Variants in RBFOX1 observed in about 807,000 individuals in gnomAD.
RBFOX1 encodes the protein RNA binding fox-1 homolog 1.
Under a neutral mutation model 57.7 loss-of-function variants are expected in RBFOX1, and 8 were observed. The ratio of observed to expected loss-of-function variants is 0.14; its 90% CI spans 0.08 to 0.25. The LOEUF is 0.25. Ranked by LOEUF, RBFOX1 falls within the 10% of genes least tolerant of loss-of-function variation. The pLI, the probability that RBFOX1 is intolerant of heterozygous loss-of-function variation, is 1.00. For missense variants in RBFOX1, 611 were observed against 548.5 expected, an observed-to-expected ratio of 1.11 and a Z score of -1.14; for synonymous variants, 326 against 222.4, an observed-to-expected ratio of 1.47 and a Z score of -4.15.
intron 3 of RBFOX1, among the ~76,000 whole-genome samples, chr16:6,796,579 C>G (rs1014928735): frequency 2.6e-5 from 4 of 152,172 alleles, no homozygotes; most frequent in Non-Finnish European, 4.4e-5. Flanking sequence ...CTACTTCCTT[C>G]TACCCTTATT....
rs1471385553 is a variant in RBFOX1, at chr16:7,627,908, A to G, written c.677-2695A>G. 3.5e-5 allele frequency among the ~76,000 whole-genome samples: 5 copies of G among 142,844 alleles called. No homozygotes were observed. In the East Asian group the frequency reaches 5.8e-4, roughly 17 times the overall value. 93.7% of individuals were successfully genotyped at this position (142,844 alleles called of 152,430 possible). A position where few individuals can be genotyped will look rare whatever the true frequency, so the allele number is the denominator to read the frequency against. On this transcript the variant is annotated intron_variant, in intron 10 of 15. Transcript: ENST00000550418. The stretch of plus-strand genomic sequence containing the variant: ...TTTTACAAAAGGTCAAAATCATTGC[A>G]TAAAGATTTTTTTTTTTTTTAACTA...
At chr16:6,116,040 A>T (rs2152605975) in intron 1 of RBFOX1, among the ~76,000 whole-genome samples, 1 of 152,340 alleles carries the variant, frequency 6.6e-6, no homozygotes, top group East Asian at 1.9e-4. Context: ...TCAGTGATAG[A>T]CTTGATAAAG....
chr16:7,295,664 A>T (rs1254663888), intron 4 of RBFOX1, among the ~76,000 whole-genome samples: 1 of 152,086 alleles, frequency 6.6e-6, no homozygotes, highest in Non-Finnish European at 1.5e-5. Flanking sequence ...ACTGCTCACT[A>T]CAGGTGTACT....
intron 5 of RBFOX1, among the ~76,000 whole-genome samples, chr16:7,534,195 T>A (rs1208743864): frequency 6.6e-6 from 1 of 151,428 alleles, no homozygotes; most frequent in Non-Finnish European, 1.5e-5. Flanking sequence ...CAGGCGATTC[T>A]CCTGCCTCAG....
At chr16:6,744,533 A>G (rs2073105854) in intron 3 of RBFOX1, among the ~76,000 whole-genome samples, 1 of 152,104 alleles carries the variant, frequency 6.6e-6, no homozygotes, top group South Asian at 2.1e-4. Context: ...AATAAATGAC[A>G]GAAATATAAA....
intron 4 of RBFOX1, among the ~76,000 whole-genome samples, chr16:5,961,532 T>C (rs941800843): frequency 9.9e-5 from 15 of 152,280 alleles, no homozygotes; most frequent in African/African-American, 3.6e-4. Context: ...TATTGTTTTA[T>C]TTTTTTGAGA....
intron 2 of RBFOX1, among the ~76,000 whole-genome samples, chr16:6,381,669 G>A (rs905844240): frequency 6.6e-6 from 1 of 152,172 alleles, no homozygotes; most frequent in Non-Finnish European, 1.5e-5. Context: ...GCACAGATGA[G>A]TTTGCTTCTG....
intron 3 of RBFOX1, among the ~76,000 whole-genome samples, chr16:5,837,284 C>T (rs953152416): frequency 1.3e-5 from 2 of 151,904 alleles, no homozygotes; most frequent in Non-Finnish European, 2.9e-5. Context: ...CAAACTGCAT[C>T]TTCTGCCTGA....
intron 3 of RBFOX1, among the ~76,000 whole-genome samples, chr16:5,782,905 T>C (rs2054370550): frequency 6.6e-6 from 1 of 152,180 alleles, no homozygotes; most frequent in Admixed American, 6.5e-5. Context: ...GGTGAATTCC[T>C]CTTTCCTCTG....
At chr16:5,777,453 G>C (rs185630658) in intron 3 of RBFOX1, among the ~76,000 whole-genome samples, 1 of 152,304 alleles carries the variant, frequency 6.6e-6, no homozygotes, top group African/African-American at 2.4e-5. Flanking sequence ...TGAGACTCTA[G>C]GCAGTAGGAC....
At chr16:6,334,219 C>A (rs542964698) in intron 2 of RBFOX1, among the ~76,000 whole-genome samples, 103 of 152,096 alleles carry the variant, frequency 6.8e-4, no homozygotes, top group African/African-American at 2.3e-3. Flanking sequence ...TAAAAGTCAA[C>A]GAAAGTGGCC....
At chr16:6,297,068 C>T (rs545740336) in intron 1 of RBFOX1, among the ~76,000 whole-genome samples, 86 of 152,254 alleles carry the variant, frequency 5.6e-4, no homozygotes, top group Admixed American at 2.5e-3. Flanking sequence ...GGGTAACTTC[C>T]TAATGTTGCC....
chr16:5,810,330 A>C (rs1297178644), intron 3 of RBFOX1, among the ~76,000 whole-genome samples: 1 of 151,638 alleles, frequency 6.6e-6, no homozygotes, highest in African/African-American at 2.4e-5. Context: ...TATAATAATA[A>C]TTAAAAAAAG....
intron 2 of RBFOX1, among the ~76,000 whole-genome samples, chr16:5,550,102 A>G (rs2045399444): frequency 6.6e-6 from 1 of 152,224 alleles, no homozygotes. Flanking sequence ...GTTCCCTAAT[A>G]TATCAGTTAC....
At chr16:6,843,427 A>T (rs569622738) in intron 3 of RBFOX1, among the ~76,000 whole-genome samples, 5 of 152,120 alleles carry the variant, frequency 3.3e-5, no homozygotes, top group Non-Finnish European at 4.4e-5. Context: ...GGTGGCTTAC[A>T]CCTGTAATCC....
intron 2 of RBFOX1, among the ~76,000 whole-genome samples, chr16:6,541,828 C>T (rs995722629): frequency 1.3e-5 from 2 of 152,118 alleles, no homozygotes; most frequent in East Asian, 1.9e-4. Flanking sequence ...AAAAGACTTA[C>T]AAACAACTTT....
intron 2 of RBFOX1, among the ~76,000 whole-genome samples, chr16:6,509,946 A>G (rs772455143): frequency 3.3e-5 from 5 of 152,164 alleles, no homozygotes; most frequent in Non-Finnish European, 5.9e-5. Context: ...AAGTGATGGG[A>G]TGTTTACTCA....
chr16:6,632,739 T>C (rs2154060891), intron 2 of RBFOX1, among the ~76,000 whole-genome samples: 2 of 152,320 alleles, frequency 1.3e-5, no homozygotes, highest in South Asian at 4.1e-4. Context: ...TGATAAAGCT[T>C]AAGCAGCCGC....
chr16:5,774,134 C>A (rs972861505), intron 3 of RBFOX1, among the ~76,000 whole-genome samples: 3 of 152,136 alleles, frequency 2.0e-5, no homozygotes, highest in African/African-American at 7.2e-5. Flanking sequence ...CATGAGTTAG[C>A]CTGTGCAGGA....
Sources: allele counts gnomAD v4.1 joint callset (sites outside exome capture counted in the v4.1 genomes callset), GRCh38; gene constraint gnomAD v4.1.1; transcripts MANE v1.5; gene names NCBI Gene and HGNC (gene_info 2026-07-23, HGNC 2026-07-21).